DENND11: variants seen among roughly 807,000 people sequenced by gnomAD.
The protein encoded by DENND11 is DENN domain containing 11.
Under a neutral mutation model 49.2 loss-of-function variants are expected in DENND11, and 34 were observed. The ratio of observed to expected loss-of-function variants is 0.69; its 90% CI spans 0.53 to 0.92. The LOEUF is 0.92. Among genes scored for constraint, DENND11 ranks in the 40% least tolerant of loss-of-function variants. The probability of loss-of-function intolerance (pLI) is 0.00; values close to 1 mark genes in which losing one functional copy is unlikely to be tolerated. For missense variants in DENND11, 475 were observed against 581.6 expected, an observed-to-expected ratio of 0.82 and a Z score of 1.88; for synonymous variants, 238 against 230.3, an observed-to-expected ratio of 1.03 and a Z score of -0.30.
At chr7:141,663,053 T>A in intron 8 of DENND11, 1 of 465,372 alleles carries the variant, frequency 2.1e-6, no homozygotes, top group Non-Finnish European at 3.7e-6. Flanking sequence ...CATTTGGCAT[T>A]AATTATGGTG....
In DENND11 at chr7:141,701,907, C is replaced by T; in HGVS notation, c.247G>A (p.Val83Ile). Residue 83 changes from valine (V) to isoleucine (I), a missense_variant, in exon 1 of 9, where the codon GTC becomes ATC. Val to Ile is a conservative substitution (Grantham distance 29). Coordinates refer to ENST00000536163, the MANE Select transcript of DENND11 (RefSeq NM_001080392.2). ...EEDQVVAVFVVTFDPRSGNMV... is the reference protein window; with the variant it reads ...EEDQVVAVFVITFDPRSGNMV... ...TCACCCGAGCGGGGGTCGAAGGTGA[C>T]CACGAACACGGCCACCACCTGGTCC... 1 of 1,212,226 alleles carries T rather than the reference C, an allele frequency of 8.2e-7. No homozygotes were observed. The highest frequency in any genetic ancestry group is 3.7e-5 in the South Asian group (1 of 26,700). The allele number at this position is 1,212,226 out of a possible 1,614,324, so 75.1% of individuals were successfully genotyped here.
At chr7:141,687,617 A>G (rs1005113102) in intron 1 of DENND11, among the ~76,000 whole-genome samples, 1 of 147,792 alleles carries the variant, frequency 6.8e-6, no homozygotes, top group African/African-American at 2.5e-5. Context: ...GGCGCATACC[A>G]GCACACTCGG....
intron 3 of DENND11, among the ~76,000 whole-genome samples, chr7:141,678,783 A>T (rs1258013761): frequency 2.0e-5 from 3 of 152,226 alleles, no homozygotes; most frequent in Non-Finnish European, 4.4e-5. Flanking sequence ...CACATTCAAA[A>T]TACAGCCACT....
intron 4 of DENND11, among the ~76,000 whole-genome samples, chr7:141,671,108 ATT>A (rs1413481309): frequency 1.3e-5 from 2 of 152,220 alleles, no homozygotes; most frequent in Non-Finnish European, 2.9e-5. Flanking sequence ...TGAATTAAAT[ATT>A]GTTACACATA....
chr7:141,682,707 A>G (rs184650444), intron 3 of DENND11, among the ~76,000 whole-genome samples: 112 of 152,286 alleles, frequency 7.4e-4, no homozygotes, highest in African/African-American at 2.6e-3. Context: ...GCCTACCTCT[A>G]CGCTATGACA....
In DENND11 at chr7:141,657,698, C is replaced by A. The variant is rs1375302034; in HGVS notation, c.*4958G>T. ...ATTTAGATCATATTAGCTCTAAAAGCCCCACAGTATGCTAAAAATCGAAAA... is the reference window on the plus strand; with the variant it reads ...ATTTAGATCATATTAGCTCTAAAAGACCCACAGTATGCTAAAAATCGAAAA... On this transcript the variant is annotated 3_prime_UTR_variant, in exon 9 of 9. Coordinates refer to ENST00000536163, the MANE Select transcript of DENND11 (RefSeq NM_001080392.2). 6.6e-6 allele frequency: 1 copy of A among 152,240 alleles called. No homozygotes were observed. Among genetic ancestry groups the A allele is most frequent in the Non-Finnish European group, 1.5e-5 (1 of 68,002 alleles). The allele number at this position is 152,240 out of a possible 1,614,324, so 9.4% of individuals were successfully genotyped here.
At position 141,684,992 on chromosome 7, in the gene DENND11, T is replaced by C. The variant is rs191202389; in HGVS notation, c.527+486A>G. Among the ~76,000 whole-genome samples the C allele has an allele frequency of 3.9e-3, 487 of 125,384 alleles. 4 individuals are homozygous for C. Among genetic ancestry groups the C allele is most frequent in the African/African-American group, 0.014 (463 of 32,834 alleles). The allele number at this position is 125,384 out of a possible 152,430, so 82.3% of individuals were successfully genotyped here. A position where few individuals can be genotyped will look rare whatever the true frequency, so the allele number is the denominator to read the frequency against. On this transcript the variant is annotated intron_variant, in intron 3 of 8. Transcript: ENST00000536163. ...GAGTTCAGGACCAGCCTGGGCAATATAGTAAGAGCCTGTCTCTACCAAAAA... is the reference window on the plus strand; with the variant it reads ...GAGTTCAGGACCAGCCTGGGCAATACAGTAAGAGCCTGTCTCTACCAAAAA...
intron 1 of DENND11, among the ~76,000 whole-genome samples, chr7:141,692,946 G>A (rs1256086906): frequency 6.6e-6 from 1 of 152,112 alleles, no homozygotes; most frequent in Non-Finnish European, 1.5e-5. Context: ...GGTGACTTTG[G>A]GTTTAGCAAT....
rs943557494 is a variant in DENND11, at chr7:141,661,466, G to C, written c.*1190C>G. On this transcript the variant is annotated 3_prime_UTR_variant, in exon 9 of 9. Coordinates refer to ENST00000536163, the MANE Select transcript of DENND11 (RefSeq NM_001080392.2). ...CCATCAGGGATGCTCAGGGCTTCCT[G>C]ACCACTGTCCCGGGTGAAGGCACTG... 5.9e-5 allele frequency: 9 copies of C among 152,242 alleles called. No homozygotes were observed. The highest frequency in any genetic ancestry group is 1.5e-5 in the Non-Finnish European group (1 of 68,072). The allele number at this position is 152,242 out of a possible 1,614,324, so 9.4% of individuals were successfully genotyped here.
intron 1 of DENND11, among the ~76,000 whole-genome samples, chr7:141,693,903 T>C (rs1798367312): frequency 6.6e-6 from 1 of 152,214 alleles, no homozygotes; most frequent in Non-Finnish European, 1.5e-5. Flanking sequence ...GGTGGATACA[T>C]AACATCGTGC....
chr7:141,679,707 TA>T (rs5888011), intron 3 of DENND11, among the ~76,000 whole-genome samples: 3,877 of 116,582 alleles, frequency 0.033, 62 homozygotes, highest in African/African-American at 0.061. Context: ...AGCGAAACTT[TA>T]AAAAAAAAAA....
At chr7:141,664,554 C>T (rs1269157642) in intron 7 of DENND11, among the ~76,000 whole-genome samples, 1 of 152,198 alleles carries the variant, frequency 6.6e-6, no homozygotes, top group Non-Finnish European at 1.5e-5. Context: ...ATACGGCGAC[C>T]AACACAATGA....
At position 141,701,977 on chromosome 7, in the gene DENND11, C is replaced by T. The variant is rs1798528729; in HGVS notation, c.177G>A (p.Glu59=). Residue 59 remains glutamate (E), a synonymous_variant, in exon 1 of 9, where the codon GAG becomes GAA. Coordinates refer to ENST00000536163, the MANE Select transcript of DENND11 (RefSeq NM_001080392.2). ...CCAGGCGCCCGGGCTGCAGCAGCAC[C>T]TCCGGGGCGGCCGGCTCCTCGGGCT... ...RREPEEPAAP[E]VLLQPGRLEL... The T allele has an allele frequency of 2.6e-6, 3 of 1,164,004 alleles. No individual in the cohort carries two copies. Among genetic ancestry groups the T allele is most frequent in the South Asian group, 8.4e-5 (2 of 23,838 alleles). 72.1% of individuals were successfully genotyped at this position (1,164,004 alleles called of 1,614,324 possible). A position where few individuals can be genotyped will look rare whatever the true frequency, so the allele number is the denominator to read the frequency against.
rs199714614 is a variant in DENND11, at chr7:141,662,885, C to CGGGGGGG, written c.1173-41_1173-35dup. On this transcript the variant is annotated intron_variant, in intron 8 of 8. Transcript: ENST00000536163. ...GGAAGACAAGACACAGGAAAGGAAGCGGGGGGGAATAAAAAGCTCACCAGA... is the reference window on the plus strand; with the variant it reads ...GGAAGACAAGACACAGGAAAGGAAGCGGGGGGGGGGGGGGAATAAAAAGCTCACCAGA... 5.5e-6 allele frequency: 8 copies of CGGGGGGG among 1,466,150 alleles called. No homozygotes were observed. In the African/African-American group the frequency reaches 1.2e-4, roughly 21 times the overall value. 90.8% of individuals were successfully genotyped at this position (1,466,150 alleles called of 1,614,324 possible). A position where few individuals can be genotyped will look rare whatever the true frequency, so the allele number is the denominator to read the frequency against.
intron 2 of DENND11, 58 bp downstream of exon 2, chr7:141,686,501 G>T: frequency 9.0e-7 from 1 of 1,110,446 alleles, no homozygotes; most frequent in South Asian, 1.3e-5. Flanking sequence ...TCAGCTTTGG[G>T]GAAAGTGTGG....
At chr7:141,679,046 G>A (rs1032484934) in intron 3 of DENND11, among the ~76,000 whole-genome samples, 10 of 152,238 alleles carry the variant, frequency 6.6e-5, no homozygotes, top group African/African-American at 2.4e-4. Flanking sequence ...TCAGAAGTCA[G>A]AAGAAATATA....
chr7:141,693,899 TACATA>T (rs2117080866), intron 1 of DENND11, among the ~76,000 whole-genome samples: 1 of 152,334 alleles, frequency 6.6e-6, no homozygotes, highest in East Asian at 1.9e-4. Context: ...TTATGGTGGA[TACATA>T]ACATCGTGCA....
chr7:141,682,151 C>T (rs1436692237), intron 3 of DENND11, among the ~76,000 whole-genome samples: 1 of 152,138 alleles, frequency 6.6e-6, no homozygotes, highest in Non-Finnish European at 1.5e-5. Flanking sequence ...AAGAACCATG[C>T]CCTGGCCTAA....
intron 1 of DENND11, among the ~76,000 whole-genome samples, chr7:141,689,162 T>C (rs1354850022): frequency 6.6e-6 from 1 of 152,214 alleles, no homozygotes; most frequent in Non-Finnish European, 1.5e-5. Flanking sequence ...AAGATGTTTA[T>C]TGCAGCACTA....
Sources: allele counts gnomAD v4.1 joint callset (sites outside exome capture counted in the v4.1 genomes callset), GRCh38; gene constraint gnomAD v4.1.1; transcripts MANE v1.5; gene names NCBI Gene and HGNC (gene_info 2026-07-23, HGNC 2026-07-21).